The following CACNA2D1 variants were observed in gnomAD, a reference collection of about 807,000 sequenced individuals.
The protein encoded by CACNA2D1 is voltage-dependent calcium channel subunit alpha-2/delta-1.
A neutral mutation model predicts 171.5 loss-of-function variants in CACNA2D1; 53 were observed. The ratio of observed to expected loss-of-function variants is 0.31; its 90% CI spans 0.25 to 0.39. CACNA2D1 has a LOEUF of 0.39. CACNA2D1 is among the 10% of genes least tolerant of loss of function. The pLI is 1.00. For synonymous variants in CACNA2D1, 442 were observed against 443.1 expected, an observed-to-expected ratio of 1.00 and a Z score of 0.03; for missense variants, 903 against 1,299.8, an observed-to-expected ratio of 0.69 and a Z score of 4.69.
chr7:82,219,987 G>T (rs1310740357), intron 3 of CACNA2D1, among the ~76,000 whole-genome samples: 1 of 152,022 alleles, frequency 6.6e-6, no homozygotes, highest in Non-Finnish European at 1.5e-5. Flanking sequence ...AAAGATTATT[G>T]TAGATTCACT....
chr7:82,260,129 G>A (rs1335235572), intron 3 of CACNA2D1, among the ~76,000 whole-genome samples: 1 of 152,108 alleles, frequency 6.6e-6, no homozygotes, highest in Non-Finnish European at 1.5e-5. Flanking sequence ...GGCTGAGGCA[G>A]GAGAATTGTT....
At chr7:82,081,114 T>C (rs747119086) in intron 7 of CACNA2D1, among the ~76,000 whole-genome samples, 4 of 152,190 alleles carry the variant, frequency 2.6e-5, no homozygotes, top group Non-Finnish European at 4.4e-5. Flanking sequence ...AAGTCTTCCA[T>C]GTAAAAGTTC....
At chr7:82,067,425 CT>C (rs1807782823) in intron 7 of CACNA2D1, among the ~76,000 whole-genome samples, 1 of 152,110 alleles carries the variant, frequency 6.6e-6, no homozygotes, top group Non-Finnish European at 1.5e-5. Context: ...TTATGAAGAA[CT>C]TTACTGAGAG....
intron 3 of CACNA2D1, among the ~76,000 whole-genome samples, chr7:82,255,926 G>C (rs77763214): frequency 0.03 from 4,528 of 152,254 alleles, 214 homozygotes; most frequent in African/African-American, 0.1. Context: ...TCCAGTGTGT[G>C]TATGTGCCTG....
chr7:82,201,408 A>G (rs991485735), intron 3 of CACNA2D1, among the ~76,000 whole-genome samples: 2 of 152,198 alleles, frequency 1.3e-5, no homozygotes, highest in African/African-American at 2.4e-5. Context: ...ATCACTTACA[A>G]AAATACTTCA....
At chr7:82,100,986 T>C (rs1812609705) in intron 6 of CACNA2D1, among the ~76,000 whole-genome samples, 1 of 152,144 alleles carries the variant, frequency 6.6e-6, no homozygotes, top group Admixed American at 6.5e-5. Flanking sequence ...TTTGGCAATA[T>C]TTCATGCTGA....
chr7:82,340,193 TC>T (rs1818454467), intron 2 of CACNA2D1, among the ~76,000 whole-genome samples: 1 of 152,170 alleles, frequency 6.6e-6, no homozygotes, highest in Non-Finnish European at 1.5e-5. Flanking sequence ...TGTGAAGAGC[TC>T]CCAGCAGAGT....
At chr7:82,253,446 C>A (rs887996078) in intron 3 of CACNA2D1, among the ~76,000 whole-genome samples, 1 of 152,112 alleles carries the variant, frequency 6.6e-6, no homozygotes, top group Non-Finnish European at 1.5e-5. Context: ...CTGCATGTAT[C>A]ACACAATGTT....
At chr7:82,309,700 T>C (rs1018898267) in intron 3 of CACNA2D1, among the ~76,000 whole-genome samples, 2 of 152,180 alleles carry the variant, frequency 1.3e-5, no homozygotes, top group African/African-American at 4.8e-5. Context: ...GAAGTGGCCA[T>C]AGTAAGACCT....
chr7:82,442,329 T>C (rs1404254146), intron 1 of CACNA2D1, among the ~76,000 whole-genome samples: 2 of 152,300 alleles, frequency 1.3e-5, no homozygotes, highest in Non-Finnish European at 2.9e-5. Context: ...TTGGGCTTTG[T>C]TTTTGTTATG....
intron 1 of CACNA2D1, among the ~76,000 whole-genome samples, chr7:82,401,527 A>C (rs539008170): frequency 2.8e-5 from 4 of 143,302 alleles, no homozygotes; most frequent in East Asian, 2.2e-4. Context: ...GGACACAGGA[A>C]GGGGAACATC....
intron 5 of CACNA2D1, among the ~76,000 whole-genome samples, chr7:82,117,649 A>G (rs961755111): frequency 2.4e-4 from 36 of 152,110 alleles, no homozygotes; most frequent in African/African-American, 8.4e-4. Context: ...TTAGCTGGAC[A>G]TGGCAGCACA....
intron 10 of CACNA2D1, among the ~76,000 whole-genome samples, chr7:82,060,216 A>G (rs1366996745): frequency 5.0e-5 from 3 of 59,616 alleles, no homozygotes; most frequent in African/African-American, 6.4e-5. Flanking sequence ...TATATAATAT[A>G]TATATAATAT....
chr7:82,158,375 T>C (rs975341788), intron 4 of CACNA2D1, among the ~76,000 whole-genome samples: 1 of 151,906 alleles, frequency 6.6e-6, no homozygotes, highest in Non-Finnish European at 1.5e-5. Flanking sequence ...CTCAATGAAA[T>C]GTATTGGCAA....
chr7:82,193,357 G>A (rs1159483362), intron 3 of CACNA2D1, among the ~76,000 whole-genome samples: 4 of 151,878 alleles, frequency 2.6e-5, no homozygotes, highest in African/African-American at 9.7e-5. Flanking sequence ...GTCCAAAATA[G>A]TCCCGGGCAA....
At chr7:82,220,870 A>G (rs1801674679) in intron 3 of CACNA2D1, among the ~76,000 whole-genome samples, 1 of 149,004 alleles carries the variant, frequency 6.7e-6, no homozygotes, top group African/African-American at 2.5e-5. Context: ...CCTCCACCAC[A>G]CAGGTTAAAG....
At chr7:82,116,025 T>C (rs948302319) in intron 6 of CACNA2D1, among the ~76,000 whole-genome samples, 7 of 152,214 alleles carry the variant, frequency 4.6e-5, no homozygotes, top group African/African-American at 1.7e-4. Context: ...ACAGGTAGTC[T>C]GGTTCCAGAA....
Position 82,314,975 on chromosome 7 carries a change from C to CTT in CACNA2D1, c.294+20158_294+20159dup, listed in dbSNP as rs35145517. ...CTGCTCTAAAAGTTAAGCATATTATCTTTTTTTTTTTTTTTTTTTTGAGAC... is the reference window on the plus strand; with the variant it reads ...CTGCTCTAAAAGTTAAGCATATTATCTTTTTTTTTTTTTTTTTTTTTTGAGAC... On this transcript the variant is annotated intron_variant, in intron 3 of 38. Transcript: ENST00000356860. Among the ~76,000 whole-genome samples the CTT allele has an allele frequency of 5.6e-3, 695 of 124,510 alleles. 15 individuals carry two copies. The highest frequency in any genetic ancestry group is 0.02 in the African/African-American group (610 of 30,000). The allele number at this position is 124,510 out of a possible 152,430, so 81.7% of individuals were successfully genotyped here.
At chr7:82,401,307 A>C (rs1259428967) in intron 1 of CACNA2D1, among the ~76,000 whole-genome samples, 1 of 151,888 alleles carries the variant, frequency 6.6e-6, no homozygotes, top group Non-Finnish European at 1.5e-5. Context: ...GAACCAACCC[A>C]AATGTCCAAC....
Sources: allele counts gnomAD v4.1 joint callset (sites outside exome capture counted in the v4.1 genomes callset), GRCh38; gene constraint gnomAD v4.1.1; transcripts MANE v1.5; gene names NCBI Gene and HGNC (gene_info 2026-07-23, HGNC 2026-07-21).